Variants in NEBL observed in about 807,000 individuals in gnomAD.
The protein encoded by NEBL is nebulette.
NEBL carries 122 observed loss-of-function variants against 140.2 expected under a neutral mutation model. That is an observed-to-expected ratio of 0.87 (90% confidence interval 0.75 to 1.01). The LOEUF is 1.01. Ranked by LOEUF, NEBL falls within the 50% of genes least tolerant of loss-of-function variation. The pLI, the probability that NEBL is intolerant of heterozygous loss-of-function variation, is 0.00. For missense variants in NEBL, 1,365 were observed against 1,231.3 expected (o/e 1.11, Z -1.62); for synonymous variants, 436 against 398.9 (o/e 1.09, Z -1.11).
chr10:20,966,293 G>T (rs1263106001), intron 3 of NEBL, among the ~76,000 whole-genome samples: 1 of 152,166 alleles, frequency 6.6e-6, no homozygotes, highest in Non-Finnish European at 1.5e-5. Context: ...GAACGCTAAA[G>T]CAAGAATCAA....
chr10:21,190,788 G>T (rs770393104), intron 3 of NEBL, among the ~76,000 whole-genome samples: 12 of 152,192 alleles, frequency 7.9e-5, no homozygotes, highest in African/African-American at 2.9e-4. Context: ...TATGCTTGTA[G>T]AATAAAACAA....
At chr10:20,828,418 G>A (rs1564361101) in intron 17 of NEBL, 112 bp downstream of exon 17, 1 of 708,742 alleles carries the variant, frequency 1.4e-6, no homozygotes, top group Non-Finnish European at 2.6e-6. Flanking sequence ...TAATACACTT[G>A]ACAGAAAATT....
intron 3 of NEBL, among the ~76,000 whole-genome samples, chr10:21,213,956 G>GT (rs1841952670): frequency 6.6e-6 from 1 of 152,080 alleles, no homozygotes; most frequent in South Asian, 2.1e-4. Context: ...GGACTTTTAT[G>GT]TAAGTATCGG....
chr10:21,031,887 A>G (rs991653326), intron 2 of NEBL, among the ~76,000 whole-genome samples: 3 of 152,230 alleles, frequency 2.0e-5, no homozygotes, highest in South Asian at 4.1e-4. Flanking sequence ...CATTCATTGC[A>G]CATAAAAGAT....
chr10:21,264,696 TAAAAAAAAAAAAAAAAAAAAAAAAAA>T (rs71392177), intron 1 of NEBL, among the ~76,000 whole-genome samples: 1 of 30,686 alleles, frequency 3.3e-5, no homozygotes, highest in Non-Finnish European at 6.2e-5. Context: ...AGTTGCTATT[TAAAAAAAAAAAAAAAAAAAAAAAAAA>T]AAAAAAAAAA....
chr10:21,277,069 C>T (rs1842933679), intron 1 of NEBL, among the ~76,000 whole-genome samples: 1 of 151,938 alleles, frequency 6.6e-6, no homozygotes, highest in African/African-American at 2.4e-5. Context: ...GTCAAGGCTG[C>T]AGTGAGTCAT....
At chr10:20,863,500 G>A (rs997817591) in intron 7 of NEBL, among the ~76,000 whole-genome samples, 11 of 152,060 alleles carry the variant, frequency 7.2e-5, no homozygotes, top group African/African-American at 2.4e-4. Context: ...AGCTGTCAAG[G>A]AAGACAGGAC....
At chr10:21,233,764 A>G (rs1842300882) in intron 3 of NEBL, among the ~76,000 whole-genome samples, 1 of 143,722 alleles carries the variant, frequency 7.0e-6, no homozygotes, top group Non-Finnish European at 1.5e-5. Flanking sequence ...ATAGATATAT[A>G]TTACATATAA....
intron 3 of NEBL, among the ~76,000 whole-genome samples, chr10:20,993,554 CAT>C (rs1005714424): frequency 1.3e-5 from 2 of 152,174 alleles, no homozygotes; most frequent in African/African-American, 4.8e-5. Flanking sequence ...TTCTGCTCCA[CAT>C]GTCTCCACAC....
intron 4 of NEBL, among the ~76,000 whole-genome samples, chr10:20,942,040 T>A (rs1834899390): frequency 1.3e-5 from 2 of 152,242 alleles, no homozygotes; most frequent in Non-Finnish European, 1.5e-5. Flanking sequence ...TTCAATGCCA[T>A]CCCCATCAAG....
At chr10:20,896,615 C>T (rs1020660911) in intron 2 of NEBL, among the ~76,000 whole-genome samples, 4 of 150,510 alleles carry the variant, frequency 2.7e-5, no homozygotes, top group Non-Finnish European at 5.9e-5. Flanking sequence ...GAGGGCCTCC[C>T]AAGACAAATT....
chr10:21,216,571 T>C (rs1267423067), intron 3 of NEBL, among the ~76,000 whole-genome samples: 1 of 151,826 alleles, frequency 6.6e-6, no homozygotes, highest in African/African-American at 2.4e-5. Context: ...AGGAGTTCGA[T>C]ACCAGCCTGG....
intron 2 of NEBL, among the ~76,000 whole-genome samples, chr10:21,036,992 T>C (rs1834041161): frequency 6.6e-6 from 1 of 152,178 alleles, no homozygotes; most frequent in Non-Finnish European, 1.5e-5. Context: ...CCACCGTAGC[T>C]GTTCCCACCT....
chr10:20,805,338 T>C (rs534273919), intron 26 of NEBL, among the ~76,000 whole-genome samples: 2 of 152,350 alleles, frequency 1.3e-5, no homozygotes, highest in East Asian at 3.9e-4. Flanking sequence ...TTAAATTAAA[T>C]TAGCATATTC....
chr10:21,112,161 C>T (rs1355182952), intron 2 of NEBL, among the ~76,000 whole-genome samples: 1 of 152,024 alleles, frequency 6.6e-6, no homozygotes, highest in Non-Finnish European at 1.5e-5. Flanking sequence ...ATTAGTTCAA[C>T]CATTGTGGAA....
chr10:21,199,563 T>C (rs1344497303), intron 3 of NEBL, among the ~76,000 whole-genome samples: 1 of 152,182 alleles, frequency 6.6e-6, no homozygotes, highest in African/African-American at 2.4e-5. Context: ...GGTGGGCACA[T>C]GAACACAGCT....
At chr10:21,060,188 G>A (rs1469751483) in intron 2 of NEBL, among the ~76,000 whole-genome samples, 3 of 152,198 alleles carry the variant, frequency 2.0e-5, no homozygotes, top group Non-Finnish European at 2.9e-5. Context: ...CAGTACAGCT[G>A]ATTAAGCCTC....
At chr10:21,232,148 C>G (rs1008554982) in intron 3 of NEBL, among the ~76,000 whole-genome samples, 1 of 151,932 alleles carries the variant, frequency 6.6e-6, no homozygotes, top group Non-Finnish European at 1.5e-5. Context: ...CTCTCTCTCT[C>G]TCTTCTTTTT....
chr10:20,929,822 A>G (rs951374860), intron 4 of NEBL, among the ~76,000 whole-genome samples: 1 of 152,190 alleles, frequency 6.6e-6, no homozygotes, highest in Non-Finnish European at 1.5e-5. Context: ...AGTACAGTGT[A>G]TACTATTGGG....
Sources: gnomAD v4.1 joint callset for allele counts (sites outside exome capture counted in the v4.1 genomes callset) on GRCh38, gnomAD v4.1.1 for gene constraint, MANE v1.5 for transcripts, NCBI Gene and HGNC (gene_info 2026-07-23, HGNC 2026-07-21) for gene names.